The following C18orf54 variants were observed in gnomAD, a reference collection of about 807,000 sequenced individuals.
C18orf54 encodes chromosome 18 open reading frame 54, also known as lung adenoma susceptibility protein 2.
Under a neutral mutation model 49.3 loss-of-function variants are expected in C18orf54, and 49 were observed. The ratio of observed to expected loss-of-function variants is 0.99; its 90% CI spans 0.79 to 1.26. C18orf54 has a LOEUF of 1.26. Ranked by LOEUF, C18orf54 falls within the 50% of genes most tolerant of loss-of-function variation. The pLI is 0.00. For missense variants in C18orf54, 687 were observed against 620.6 expected (o/e 1.11, Z -1.14); for synonymous variants, 211 against 216.6 (o/e 0.97, Z 0.23).
Position 54,361,641 on chromosome 18 carries a change from A to G in C18orf54, c.284-2A>G. 5 of 1,574,412 alleles carry G rather than the reference A, an allele frequency of 3.2e-6. No homozygotes were observed. Among genetic ancestry groups the G allele is most frequent in the Non-Finnish European group, 4.3e-6 (5 of 1,163,936 alleles). On this transcript the variant is annotated splice_acceptor_variant, in intron 3 of 8. Transcript: ENST00000620105. LOFTEE classifies it high-confidence loss of function. The stretch of plus-strand genomic sequence containing the variant: ...TAAACAAAACTGTTCTTCGTTTTTC[A>G]GCTTTTGAAAACCTTGATCACAAAA...
intron 7 of C18orf54, among the ~76,000 whole-genome samples, chr18:54,373,147 A>G (rs1251062091): frequency 1.3e-5 from 2 of 151,830 alleles, no homozygotes; most frequent in African/African-American, 2.4e-5. Context: ...CTATATGATG[A>G]ATTTTTTCCC....
At chr18:54,372,114 A>G (rs2089496409) in intron 6 of C18orf54, among the ~76,000 whole-genome samples, 1 of 152,038 alleles carries the variant, frequency 6.6e-6, no homozygotes, top group Non-Finnish European at 1.5e-5. Flanking sequence ...GCTGTAAAGA[A>G]CATGTTGGTT....
intron 3 of C18orf54, among the ~76,000 whole-genome samples, chr18:54,361,070 T>G (rs1051063047): frequency 6.6e-6 from 1 of 152,218 alleles, no homozygotes; most frequent in African/African-American, 2.4e-5. Flanking sequence ...TAAAGCTTCC[T>G]TGAAGACAAG....
At chr18:54,364,144 CA>C (rs34096589) in intron 5 of C18orf54, among the ~76,000 whole-genome samples, 110,232 of 150,850 alleles carry the variant, frequency 0.73, 40,755 homozygotes, top group African/African-American at 0.85. Context: ...GATATATATA[CA>C]TATTTTTTTT....
rs774702462 is a variant in C18orf54 at position 54,360,739 on chromosome 18, T to G, written c.167T>G (p.Ile56Ser). 3 of 1,614,094 alleles carry G rather than the reference T, an allele frequency of 1.9e-6. No homozygotes were observed. The highest frequency in any genetic ancestry group is 3.3e-5 in the Admixed American group (2 of 60,030). ...RSASQALQAY[I>S]DDFDLGQIYP... ...GCTTCTCAAGCTCTACAGGCTTATA[T>G]TGATGATTTTGATCTAGGCCAAATA... Residue 56 changes from isoleucine to serine, a missense_variant, in exon 3 of 9, where the codon ATT (isoleucine) becomes AGT (serine). Transcript: ENST00000620105.
intron 2 of C18orf54, among the ~76,000 whole-genome samples, chr18:54,359,553 AT>A (rs1242141362): frequency 6.6e-6 from 1 of 152,240 alleles, no homozygotes; most frequent in African/African-American, 2.4e-5. Context: ...CTAAGATTAC[AT>A]TAAAAGTTGT....
At chr18:54,372,743 T>A (rs1273385502) in intron 7 of C18orf54, 146 bp downstream of exon 7, 3 of 657,260 alleles carry the variant, frequency 4.6e-6, no homozygotes, top group Non-Finnish European at 7.4e-6. Context: ...TTTTTTTTGT[T>A]AGGAAGTAAT....
At chr18:54,365,673 A>C (rs1261232568) in intron 5 of C18orf54, 46 bp from the exon 6 acceptor site, 1 of 1,137,384 alleles carries the variant, frequency 8.8e-7, no homozygotes, top group Non-Finnish European at 1.3e-6. Context: ...ACTTTTTAGA[A>C]ATTGGGAACT....
intron 8 of C18orf54, among the ~76,000 whole-genome samples, chr18:54,376,831 A>C (rs1296960298): frequency 6.6e-6 from 1 of 152,218 alleles, no homozygotes; most frequent in African/African-American, 2.4e-5. Flanking sequence ...ATATACATGC[A>C]GTAAATAATG....
rs1041349743 is a variant in C18orf54 at position 54,381,627 on chromosome 18, C to T, written c.*3381C>T. On this transcript the variant is annotated 3_prime_UTR_variant, in exon 9 of 9. Coordinates refer to ENST00000620105, the MANE Select transcript of C18orf54 (RefSeq NM_001288980.2). Reference sequence around the variant, plus strand: ...CATATTATTTCTCATGCATGAAATACTCAATTTTTATTCTTTTATCTAACG... The same window carrying T: ...CATATTATTTCTCATGCATGAAATATTCAATTTTTATTCTTTTATCTAACG... 2.0e-5 allele frequency: 3 copies of T among 152,172 alleles called. No homozygotes were observed. Among genetic ancestry groups the T allele is most frequent in the Admixed American group, 6.6e-5 (1 of 15,266 alleles). 9.4% of individuals were successfully genotyped at this position (152,172 alleles called of 1,614,324 possible). A position where few individuals can be genotyped will look rare whatever the true frequency, so the allele number is the denominator to read the frequency against.
intron 6 of C18orf54, among the ~76,000 whole-genome samples, chr18:54,369,413 C>T (rs2089444083): frequency 6.6e-6 from 1 of 150,842 alleles, no homozygotes; most frequent in Non-Finnish European, 1.5e-5. Context: ...ATTGCTAACC[C>T]ATATTCCTGT....
rs148658061 is a variant in C18orf54, at chr18:54,361,885, T to C, written c.526T>C (p.Ser176Pro). ...TCCACATTTTCAAGGACCCTACACT[T>C]CCATGGGCAAGGATAACTTTGTTAC... ...KNPHFQGPYT[S>P]MGKDNFVTPV... Residue 176 changes from serine to proline, a missense_variant, in exon 4 of 9, where the codon TCC (serine) becomes CCC (proline). Coordinates refer to ENST00000620105, the MANE Select transcript of C18orf54 (RefSeq NM_001288980.2). The C allele has an allele frequency of 1.5e-4, 248 of 1,614,108 alleles. No homozygotes were observed. The highest frequency in any genetic ancestry group is 8.1e-4 in the African/African-American group (61 of 75,034).
chr18:54,368,591 A>G (rs577813830), intron 6 of C18orf54, among the ~76,000 whole-genome samples: 1 of 152,106 alleles, frequency 6.6e-6, no homozygotes, highest in Non-Finnish European at 1.5e-5. Context: ...TATAATAAAG[A>G]TATAATATGT....
intron 6 of C18orf54, among the ~76,000 whole-genome samples, chr18:54,370,378 C>A (rs1599342346): frequency 6.6e-6 from 1 of 151,850 alleles, no homozygotes; most frequent in South Asian, 2.1e-4. Flanking sequence ...TTAAAGTCTA[C>A]AGGAAGATAT....
In C18orf54 at chr18:54,381,182, T is replaced by A. The variant is rs1048588281; in HGVS notation, c.*2936T>A. ...TTTTTCCTGTGACATTTGAAGTTAT[T>A]ATTCTCCCATTTCCTTTTTCTTTTT... On this transcript the variant is annotated 3_prime_UTR_variant, in exon 9 of 9. Coordinates refer to ENST00000620105, the MANE Select transcript of C18orf54 (RefSeq NM_001288980.2). 6.6e-6 allele frequency: 1 copy of A among 152,128 alleles called. No individual in the cohort carries two copies. The highest frequency in any genetic ancestry group is 1.5e-5 in the Non-Finnish European group (1 of 67,996). The allele number at this position is 152,128 out of a possible 1,614,324, so 9.4% of individuals were successfully genotyped here.
chr18:54,372,022 G>A (rs1371906554), intron 6 of C18orf54, among the ~76,000 whole-genome samples: 2 of 151,956 alleles, frequency 1.3e-5, no homozygotes, highest in South Asian at 2.1e-4. Flanking sequence ...CCCATGAAGA[G>A]GTGAAAAGCT....
chr18:54,362,545 A>C (rs1473392555), intron 4 of C18orf54, 114 bp downstream of exon 4: 1 of 990,134 alleles, frequency 1.0e-6, no homozygotes, highest in African/African-American at 1.6e-5. Context: ...TTCATGTAAT[A>C]CATCTTTTTG....
At chr18:54,361,357 G>C (rs1215089921) in intron 3 of C18orf54, among the ~76,000 whole-genome samples, 1 of 152,116 alleles carries the variant, frequency 6.6e-6, no homozygotes, top group Non-Finnish European at 1.5e-5. Context: ...TTGTATTAGT[G>C]TATCAGATAT....
Position 54,362,840 on chromosome 18 carries a change from A to T in C18orf54, c.1142A>T (p.Lys381Met), listed in dbSNP as rs781695334. ...GAGCAGTGTACTGAAGAATTACCAA[A>T]GTCCATGAAAAAGGATGACAGTCCT... Reference protein sequence around the residue: ...NLEQCTEELPKSMKKDDSPCS... With the variant: ...NLEQCTEELPMSMKKDDSPCS... Residue 381 changes from lysine to methionine, a missense_variant, in exon 5 of 9, where the codon AAG becomes ATG. Physicochemically the swap from Lys to Met is moderately conservative, Grantham distance 95 (BLOSUM62 -1). Coordinates refer to ENST00000620105, the MANE Select transcript of C18orf54 (RefSeq NM_001288980.2). 9 of 1,612,606 alleles carry T rather than the reference A, an allele frequency of 5.6e-6. 1 individual carries two copies. In the South Asian group the frequency reaches 9.9e-5, roughly 18 times the overall value.
Sources: allele counts gnomAD v4.1 joint callset (sites outside exome capture counted in the v4.1 genomes callset), GRCh38; gene constraint gnomAD v4.1.1; transcripts MANE v1.5; gene names NCBI Gene and HGNC (gene_info 2026-07-23, HGNC 2026-07-21).